The following ZHX2 variants were observed in gnomAD, a reference collection of about 807,000 sequenced individuals.
ZHX2 encodes zinc fingers and homeoboxes 2.
Under a neutral mutation model 21.9 loss-of-function variants are expected in ZHX2, and 6 were observed. That is an observed-to-expected ratio of 0.27 (90% CI 0.15 to 0.54). The LOEUF (loss-of-function observed/expected upper bound fraction) is 0.54, where lower values mean the gene tolerates loss of function less well. Ranked by LOEUF, ZHX2 falls within the 20% of genes least tolerant of loss-of-function variation. ZHX2 has a pLI of 0.95. For missense variants in ZHX2, 908 were observed against 1,090.7 expected (o/e 0.83, Z 2.36); for synonymous variants, 434 against 437.1 (o/e 0.99, Z 0.09).
intron 1 of ZHX2, among the ~76,000 whole-genome samples, chr8:122,785,738 T>G (rs1172869595): frequency 2.0e-5 from 3 of 152,102 alleles, no homozygotes; most frequent in Admixed American, 2.0e-4. Context: ...ATGTGCCGCC[T>G]GAGAAAGAAG....
At chr8:122,833,084 C>T (rs965905164) in intron 1 of ZHX2, among the ~76,000 whole-genome samples, 2 of 152,018 alleles carry the variant, frequency 1.3e-5, no homozygotes, top group African/African-American at 4.8e-5. Flanking sequence ...GATTTTCCCA[C>T]ATAAAGGCAA....
intron 2 of ZHX2, among the ~76,000 whole-genome samples, chr8:122,931,973 G>A (rs1329127865): frequency 6.6e-6 from 1 of 152,150 alleles, no homozygotes; most frequent in Admixed American, 6.5e-5. Flanking sequence ...CAGACAGTAC[G>A]AGCTGGTGCG....
rs372060090 is a variant in ZHX2 at position 122,952,602 on chromosome 8, G to A, written c.1092G>A (p.Thr364=). The A allele has an allele frequency of 2.5e-5, 41 of 1,613,980 alleles. No homozygotes were observed. The highest frequency in any genetic ancestry group is 2.3e-4 in the African/African-American group (17 of 74,916). Residue 364 remains threonine (T), a synonymous_variant, in exon 3 of 4, where the codon ACG becomes ACA. Transcript: ENST00000314393. The surrounding 1 kb of genome is among the most constrained non-coding windows in gnomAD (Gnocchi z 6.9). The part of the protein sequence containing the change: ...PTKVTQPILQ[T]ALPCQILGQT... ...AGGTGACGCAGCCCATCCTCCAGAC[G>A]GCTCTACCGTGCCAGATCCTCGGCC...
In ZHX2 at chr8:122,952,921, C is replaced by A; in HGVS notation, c.1411C>A (p.Arg471=). The stretch of plus-strand genomic sequence containing the variant: ...GTTCCCTGACGATGCCGAGGTTTAC[C>A]GGCTCATCGAGGTGACTGGCCTTGC... ...SQFPDDAEVY[R]LIEVTGLARS... Residue 471 remains arginine (R), a synonymous_variant, in exon 3 of 4, where the codon CGG becomes AGG. Transcript: ENST00000314393. This position sits in a 1 kb window ranked among gnomAD's most constrained non-coding sequence, Gnocchi z 6.9. The A allele has an allele frequency of 6.2e-7, 1 of 1,614,128 alleles. No homozygotes were observed. The highest frequency in any genetic ancestry group is 1.1e-5 in the South Asian group (1 of 91,082).
rs147432495 is a variant in ZHX2 at position 122,953,365 on chromosome 8, G to A, written c.1855G>A (p.Gly619Ser). The A allele has an allele frequency of 8.5e-5, 137 of 1,614,080 alleles. No homozygotes were observed. The Admixed American group carries it at 1.0e-3, about 12-fold the overall frequency. ...GALSRLDQLS[G>S]AQLTSSLPSP... ...TCTGTCTCGACTCGACCAGCTCTCC[G>A]GTGCCCAGTTAACAAGTTCTCTGCC... is the stretch of plus-strand genomic sequence containing the variant. Residue 619 changes from glycine (G) to serine (S), a missense_variant, in exon 3 of 4, where the codon GGT becomes AGT. Gly to Ser is a moderately conservative substitution (Grantham distance 56). Transcript: ENST00000314393. The surrounding 1 kb of genome is among the most constrained non-coding windows in gnomAD (Gnocchi z 4.6).
chr8:122,881,737 A>T (rs903464592), intron 2 of ZHX2, among the ~76,000 whole-genome samples: 2 of 152,172 alleles, frequency 1.3e-5, no homozygotes, highest in Admixed American at 6.5e-5. Flanking sequence ...CCACGTAGGG[A>T]CTAGAAGCCA....
At chr8:122,967,335 G>A (rs1000764010) in intron 3 of ZHX2, among the ~76,000 whole-genome samples, 10 of 152,166 alleles carry the variant, frequency 6.6e-5, no homozygotes, top group South Asian at 4.1e-4. Context: ...TTGTCCCATG[G>A]GGTGATCCCT....
chr8:122,963,636 A>G (rs1266446492), intron 3 of ZHX2, among the ~76,000 whole-genome samples: 2 of 151,884 alleles, frequency 1.3e-5, no homozygotes, highest in Admixed American at 6.6e-5. Flanking sequence ...GACTTTTAAG[A>G]TTGTTTTTTC....
At chr8:122,856,290 C>T (rs1326343537) in intron 1 of ZHX2, among the ~76,000 whole-genome samples, 1 of 152,128 alleles carries the variant, frequency 6.6e-6, no homozygotes, top group East Asian at 1.9e-4. Flanking sequence ...GTGGAGTTTC[C>T]ATACCAAGGA....
chr8:122,814,752 G>C (rs1817997614), intron 1 of ZHX2, among the ~76,000 whole-genome samples: 1 of 152,216 alleles, frequency 6.6e-6, no homozygotes, highest in Non-Finnish European at 1.5e-5. Flanking sequence ...TCCTGACACA[G>C]CTATTGATAA....
intron 2 of ZHX2, among the ~76,000 whole-genome samples, chr8:122,900,745 C>T (rs1297262565): frequency 1.3e-5 from 2 of 152,162 alleles, no homozygotes; most frequent in Non-Finnish European, 2.9e-5. Flanking sequence ...TGAGTATGCT[C>T]AAGCATGTGA....
chr8:122,897,081 A>G (rs1820116582), intron 2 of ZHX2, among the ~76,000 whole-genome samples: 1 of 152,238 alleles, frequency 6.6e-6, no homozygotes, highest in Non-Finnish European at 1.5e-5. Flanking sequence ...TGGCAACTTG[A>G]TAGACCCTTG....
Position 122,791,373 on chromosome 8 carries a change from G to A in ZHX2, c.-283+9427G>A, listed in dbSNP as rs189377767. On this transcript the variant is annotated intron_variant, in intron 1 of 3. Transcript: ENST00000314393. ...CGTCAGGCTGGTGCCTGCAGCAGCC[G>A]CTGCAGCCCAAGTAGCTGATTGGGA... Among the ~76,000 whole-genome samples the A allele has an allele frequency of 2.5e-3, 385 of 152,288 alleles. 2 individuals carry two copies. Among genetic ancestry groups the A allele is most frequent in the African/African-American group, 8.4e-3 (348 of 41,564 alleles).
intron 3 of ZHX2, among the ~76,000 whole-genome samples, chr8:122,960,234 G>T (rs1025502912): frequency 6.6e-6 from 1 of 152,216 alleles, no homozygotes; most frequent in Non-Finnish European, 1.5e-5. Flanking sequence ...AGGTTTAGGG[G>T]ACACTCCCTA....
At chr8:122,943,123 G>A (rs531953219) in intron 2 of ZHX2, among the ~76,000 whole-genome samples, 20 of 152,216 alleles carry the variant, frequency 1.3e-4, no homozygotes, top group South Asian at 1.0e-3. Context: ...TTAGCCAGGC[G>A]TGGTGGCACA....
intron 2 of ZHX2, among the ~76,000 whole-genome samples, chr8:122,930,136 T>C (rs149327207): frequency 6.6e-6 from 1 of 152,300 alleles, no homozygotes; most frequent in East Asian, 1.9e-4. Flanking sequence ...TCCTAGCATT[T>C]CCTGCTCTGC....
intron 2 of ZHX2, among the ~76,000 whole-genome samples, chr8:122,917,992 CTCTTT>C (rs1448388060): frequency 1.3e-5 from 2 of 152,200 alleles, no homozygotes; most frequent in Non-Finnish European, 2.9e-5. Flanking sequence ...AATGATTCCA[CTCTTT>C]TCTTACCTTT....
intron 1 of ZHX2, among the ~76,000 whole-genome samples, chr8:122,823,213 C>T (rs1586588724): frequency 6.6e-6 from 1 of 152,174 alleles, no homozygotes; most frequent in East Asian, 1.9e-4. Context: ...GGACCTTGAT[C>T]ATTGTCTCTT....
At chr8:122,864,637 C>G (rs955094488) in intron 2 of ZHX2, among the ~76,000 whole-genome samples, 1 of 151,924 alleles carries the variant, frequency 6.6e-6, no homozygotes, top group Non-Finnish European at 1.5e-5. Flanking sequence ...GACTCACCCA[C>G]CCCCCCACTC....
Sources: gnomAD v4.1 joint callset for allele counts (sites outside exome capture counted in the v4.1 genomes callset) on GRCh38, gnomAD v4.1.1 for gene constraint, Gnocchi (gnomAD v3.1) non-coding constraint, MANE v1.5 for transcripts, NCBI Gene and HGNC (gene_info 2026-07-23, HGNC 2026-07-21) for gene names.